Variants in SOX5 observed in about 807,000 individuals in gnomAD.
SOX5 encodes SRY-box transcription factor 5.
In SOX5, 9 loss-of-function variants were observed where a neutral mutation model predicts 92.0. That is an observed-to-expected ratio of 0.10 (90% CI 0.06 to 0.17). The LOEUF (loss-of-function observed/expected upper bound fraction) is 0.17. Among genes scored for constraint, SOX5 ranks in the 10% least tolerant of loss-of-function variants. SOX5 has a pLI of 1.00. For missense variants in SOX5, 642 were observed against 944.5 expected (o/e 0.68, Z 4.20); for synonymous variants, 344 against 336.3 (o/e 1.02, Z -0.25).
intron 7 of SOX5, among the ~76,000 whole-genome samples, chr12:23,642,472 G>C (rs1011535289): frequency 6.6e-6 from 1 of 152,186 alleles, no homozygotes; most frequent in African/African-American, 2.4e-5. Context: ...TTAAATTATA[G>C]TTAGCTAGAC....
At chr12:23,614,862 C>T (rs1379924186) in intron 8 of SOX5, among the ~76,000 whole-genome samples, 1 of 152,186 alleles carries the variant, frequency 6.6e-6, no homozygotes, top group Non-Finnish European at 1.5e-5. Context: ...AGTGCAATGG[C>T]ACAATCTTGG....
intron 4 of SOX5, among the ~76,000 whole-genome samples, chr12:24,064,465 C>A (rs1402765122): frequency 6.6e-6 from 1 of 152,092 alleles, no homozygotes; most frequent in Non-Finnish European, 1.5e-5. Flanking sequence ...ACTCATATAT[C>A]AAGGTTTTTA....
rs73289772 is a variant in SOX5 at position 24,388,114 on chromosome 12, G to A, written c.-250-19475C>T. Among the ~76,000 whole-genome samples the A allele has an allele frequency of 7.3e-3, 1,110 of 152,278 alleles. 17 individuals are homozygous for A. Among genetic ancestry groups the A allele is most frequent in the African/African-American group, 0.025 (1,056 of 41,546 alleles). ...TTCACTTAAAACTGGAATCTTGTAC[G>A]TAATTTCACCATCACCATCTCAGAT... On this transcript the variant is annotated intron_variant, in intron 1 of 4. Coordinates refer to the SOX5 transcript ENST00000446891.
chr12:24,097,694 C>T (rs1415437026), intron 4 of SOX5, among the ~76,000 whole-genome samples: 1 of 152,106 alleles, frequency 6.6e-6, no homozygotes, highest in Non-Finnish European at 1.5e-5. Flanking sequence ...AACCCTCCCT[C>T]ATGTATAGGA....
At chr12:23,755,157 A>T (rs1356804601) in intron 4 of SOX5, among the ~76,000 whole-genome samples, 3 of 151,780 alleles carry the variant, frequency 2.0e-5, no homozygotes, top group Non-Finnish European at 2.9e-5. Context: ...TGCTGATTCA[A>T]ATAAAACCAA....
At chr12:23,889,030 G>T (rs1249501093) in intron 2 of SOX5, among the ~76,000 whole-genome samples, 1 of 152,092 alleles carries the variant, frequency 6.6e-6, no homozygotes, top group African/African-American at 2.4e-5. Flanking sequence ...TGCACATATG[G>T]CTTCCAAGCT....
At chr12:23,623,165 G>A (rs1225529354) in intron 8 of SOX5, among the ~76,000 whole-genome samples, 6 of 151,982 alleles carry the variant, frequency 3.9e-5, no homozygotes, top group Non-Finnish European at 2.9e-5. Context: ...TTTTTGAAAG[G>A]TACTGAGTTA....
At chr12:24,055,376 G>A (rs917070129) in intron 4 of SOX5, among the ~76,000 whole-genome samples, 12 of 152,124 alleles carry the variant, frequency 7.9e-5, no homozygotes, top group African/African-American at 2.7e-4. Flanking sequence ...ATAAGCTACC[G>A]GTCAACAGTC....
chr12:24,505,333 G>A (rs1290390556), intron 1 of SOX5, among the ~76,000 whole-genome samples: 1 of 152,126 alleles, frequency 6.6e-6, no homozygotes, highest in Non-Finnish European at 1.5e-5. Context: ...AAAGTGACAT[G>A]GGAGCTTGTT....
chr12:24,079,544 T>C (rs1427023981), intron 4 of SOX5, among the ~76,000 whole-genome samples: 1 of 152,066 alleles, frequency 6.6e-6, no homozygotes, highest in Non-Finnish European at 1.5e-5. Context: ...TAATTTGGTA[T>C]TTATTCACAA....
At chr12:23,675,170 T>A (rs1235603605) in intron 6 of SOX5, among the ~76,000 whole-genome samples, 2 of 152,244 alleles carry the variant, frequency 1.3e-5, no homozygotes, top group Admixed American at 6.5e-5. Context: ...GTTGACTTGT[T>A]TCTTGCTGAT....
At chr12:24,523,113 C>T (rs1392830506) in intron 1 of SOX5, among the ~76,000 whole-genome samples, 2 of 151,780 alleles carry the variant, frequency 1.3e-5, no homozygotes, top group Non-Finnish European at 2.9e-5. Flanking sequence ...TTTCTATACA[C>T]CAACAATAAA....
At chr12:24,469,643 T>C (rs142903249) in intron 1 of SOX5, among the ~76,000 whole-genome samples, 297 of 152,308 alleles carry the variant, frequency 1.9e-3, no homozygotes, top group Middle Eastern at 3.4e-3. Context: ...CCCAGATATG[T>C]GCAACTTATG....
At chr12:23,550,354 A>T (rs1335804487) in intron 11 of SOX5, among the ~76,000 whole-genome samples, 2 of 151,924 alleles carry the variant, frequency 1.3e-5, no homozygotes, top group African/African-American at 4.8e-5. Flanking sequence ...CAAATATGTT[A>T]TCCTCCTCGA....
At chr12:24,343,901 T>C (rs1032226554) in intron 2 of SOX5, among the ~76,000 whole-genome samples, 11 of 152,080 alleles carry the variant, frequency 7.2e-5, no homozygotes, top group Non-Finnish European at 1.2e-4. Flanking sequence ...TTGGGGAATT[T>C]TGGCAAAAAA....
intron 8 of SOX5, among the ~76,000 whole-genome samples, chr12:23,622,332 T>C (rs1255302556): frequency 1.3e-5 from 2 of 152,106 alleles, no homozygotes; most frequent in Non-Finnish European, 2.9e-5. Flanking sequence ...AAAAGTATTT[T>C]AAGGGCTAGA....
chr12:24,370,985 G>C (rs148966202), intron 1 of SOX5, among the ~76,000 whole-genome samples: 2 of 152,146 alleles, frequency 1.3e-5, no homozygotes, highest in African/African-American at 4.8e-5. Flanking sequence ...AATATGCTCA[G>C]GTTAATGCCC....
intron 1 of SOX5, among the ~76,000 whole-genome samples, chr12:23,923,008 C>T (rs1305531019): frequency 6.6e-6 from 1 of 151,510 alleles, no homozygotes; most frequent in Non-Finnish European, 1.5e-5. Context: ...TGCAGTGGCG[C>T]CATCTCGGCT....
chr12:23,553,744 G>A (rs1279597576), intron 11 of SOX5, among the ~76,000 whole-genome samples: 2 of 152,094 alleles, frequency 1.3e-5, no homozygotes, highest in Non-Finnish European at 2.9e-5. Context: ...TACACAGGAT[G>A]TCCAGTTGGT....
Sources: allele counts gnomAD v4.1 joint callset (sites outside exome capture counted in the v4.1 genomes callset), GRCh38; gene constraint gnomAD v4.1.1; transcripts MANE v1.5; gene names NCBI Gene and HGNC (gene_info 2026-07-23, HGNC 2026-07-21).